Variants in ROBO2 observed in about 807,000 individuals in gnomAD.
ROBO2 encodes the protein roundabout guidance receptor 2, also known as roundabout homolog 2.
ROBO2 carries 53 observed loss-of-function variants against 160.8 expected under a neutral mutation model. That is an observed-to-expected ratio of 0.33 (90% CI 0.26 to 0.41). The LOEUF is 0.41. Among genes scored for constraint, ROBO2 ranks in the 10% least tolerant of loss-of-function variants. The pLI, the probability that ROBO2 is intolerant of heterozygous loss-of-function variation, is 1.00. For synonymous variants in ROBO2, 664 were observed against 611.7 expected (o/e 1.09, Z -1.26); for missense variants, 1,577 against 1,722.4 (o/e 0.92, Z 1.49).
intron 2 of ROBO2, among the ~76,000 whole-genome samples, chr3:76,119,906 T>TTCCCTCCCTCCCTTCC (rs2070657312): frequency 1.1e-5 from 1 of 87,004 alleles, no homozygotes; most frequent in Admixed American, 1.2e-4. Flanking sequence ...CTTCCCTTCC[T>TTCCCTCCCTCCCTTCC]TCCCTCCCTC....
chr3:77,483,992 C>A (rs1336130644), intron 4 of ROBO2, among the ~76,000 whole-genome samples: 1 of 151,592 alleles, frequency 6.6e-6, no homozygotes, highest in African/African-American at 2.4e-5. Flanking sequence ...AAAATTTCAG[C>A]ATTATATATT....
chr3:76,176,964 T>G (rs147770484), intron 2 of ROBO2, among the ~76,000 whole-genome samples: 89 of 152,272 alleles, frequency 5.8e-4, no homozygotes, highest in African/African-American at 2.1e-3. Context: ...TATTAAAAGC[T>G]TTATTCTCTG....
intron 1 of ROBO2, among the ~76,000 whole-genome samples, chr3:77,041,158 T>G (rs2064054319): frequency 6.6e-6 from 1 of 152,248 alleles, no homozygotes; most frequent in Non-Finnish European, 1.5e-5. Flanking sequence ...GTCAATCTCC[T>G]GCAAGAGCCT....
At chr3:76,438,049 A>G (rs932046196) in intron 2 of ROBO2, among the ~76,000 whole-genome samples, 10 of 152,182 alleles carry the variant, frequency 6.6e-5, no homozygotes, top group African/African-American at 2.4e-4. Flanking sequence ...GATTGGAATG[A>G]CAAATTTTAT....
intron 2 of ROBO2, among the ~76,000 whole-genome samples, chr3:77,175,084 G>A (rs1474358375): frequency 6.6e-6 from 1 of 151,980 alleles, no homozygotes; most frequent in African/African-American, 2.4e-5. Context: ...TGACAACCCT[G>A]TCAGGTAAGT....
chr3:76,844,398 G>T (rs1350526599), intron 2 of ROBO2, among the ~76,000 whole-genome samples: 1 of 151,898 alleles, frequency 6.6e-6, no homozygotes, highest in Non-Finnish European at 1.5e-5. Context: ...AGCCACATAT[G>T]CAAATTAAAC....
intron 2 of ROBO2, among the ~76,000 whole-genome samples, chr3:76,029,954 A>G (rs531837800): frequency 3.9e-5 from 6 of 152,254 alleles, no homozygotes; most frequent in Non-Finnish European, 7.4e-5. Context: ...GTCTTCCACA[A>G]TGGTTGAACT....
chr3:76,385,614 A>G (rs1481164017), intron 2 of ROBO2, among the ~76,000 whole-genome samples: 1 of 152,248 alleles, frequency 6.6e-6, no homozygotes, highest in African/African-American at 2.4e-5. Flanking sequence ...GCATAATCAC[A>G]TAATTATTAA....
chr3:76,495,944 TTTAA>T (rs1374557557), intron 2 of ROBO2, among the ~76,000 whole-genome samples: 1 of 152,222 alleles, frequency 6.6e-6, no homozygotes. Flanking sequence ...TTGTAATGAA[TTTAA>T]TTAACAGCCA....
At chr3:77,545,524 A>G (rs1448116309) in intron 6 of ROBO2, among the ~76,000 whole-genome samples, 2 of 152,062 alleles carry the variant, frequency 1.3e-5, no homozygotes. Flanking sequence ...TACCTCTACC[A>G]TTGCACTTAC....
intron 2 of ROBO2, among the ~76,000 whole-genome samples, chr3:76,603,028 C>A (rs938686821): frequency 6.6e-6 from 1 of 151,964 alleles, no homozygotes; most frequent in Non-Finnish European, 1.5e-5. Context: ...GAAAATCATT[C>A]TTTGTTAAAA....
intron 5 of ROBO2, among the ~76,000 whole-genome samples, chr3:77,512,726 C>T (rs2089549395): frequency 6.6e-6 from 1 of 151,870 alleles, no homozygotes; most frequent in African/African-American, 2.4e-5. Context: ...CCTTTACTTT[C>T]TGAAAGAGTC....
intron 2 of ROBO2, among the ~76,000 whole-genome samples, chr3:76,027,935 A>G (rs767920326): frequency 5.3e-5 from 8 of 151,994 alleles, no homozygotes; most frequent in Non-Finnish European, 8.8e-5. Context: ...GGAAACATCA[A>G]GCAACCTATT....
chr3:77,044,578 T>C (rs564445509), intron 1 of ROBO2, among the ~76,000 whole-genome samples: 3 of 152,140 alleles, frequency 2.0e-5, no homozygotes, highest in Non-Finnish European at 2.9e-5. Context: ...TGAAAGGAAT[T>C]AGAGAAACAC....
intron 2 of ROBO2, among the ~76,000 whole-genome samples, chr3:77,441,267 T>C (rs903894572): frequency 1.3e-5 from 2 of 151,560 alleles, no homozygotes; most frequent in South Asian, 2.1e-4. Context: ...GTGTAAAGCA[T>C]TGGATGTTTC....
chr3:76,683,735 A>G (rs2092623049), intron 2 of ROBO2, among the ~76,000 whole-genome samples: 1 of 152,118 alleles, frequency 6.6e-6, no homozygotes, highest in Non-Finnish European at 1.5e-5. Context: ...AATGGTTGTG[A>G]AAGCCTTTTC....
At position 76,043,494 on chromosome 3, in the gene ROBO2, C is replaced by G. The variant is rs116729104; in HGVS notation, c.109+105892C>G. On this transcript the variant is annotated intron_variant, in intron 2 of 26. Transcript: ENST00000487694. ...TCCCTTAGTCCTGCTGAGGGCTGAT[C>G]CTCTACTCTGTAAAGACCATGGCTG... is the stretch of plus-strand genomic sequence containing the variant. Among the ~76,000 whole-genome samples the G allele has an allele frequency of 3.7e-3, 566 of 151,626 alleles. 13 individuals are homozygous for G. The highest frequency in any genetic ancestry group is 0.013 in the African/African-American group (542 of 41,148).
intron 2 of ROBO2, among the ~76,000 whole-genome samples, chr3:76,320,930 C>A (rs930705076): frequency 6.6e-6 from 1 of 152,164 alleles, no homozygotes; most frequent in African/African-American, 2.4e-5. Context: ...ATATACTGTA[C>A]TATTAACAAA....
chr3:77,358,673 T>C (rs2069482192), intron 2 of ROBO2, among the ~76,000 whole-genome samples: 1 of 152,224 alleles, frequency 6.6e-6, no homozygotes, highest in Non-Finnish European at 1.5e-5. Flanking sequence ...TATTTCTAAA[T>C]AGTACATCAT....
Sources: allele counts gnomAD v4.1 joint callset (sites outside exome capture counted in the v4.1 genomes callset), GRCh38; gene constraint gnomAD v4.1.1; transcripts MANE v1.5; gene names NCBI Gene and HGNC (gene_info 2026-07-23, HGNC 2026-07-21).